The following FMN2 variants were observed in gnomAD, a reference collection of about 807,000 sequenced individuals.
FMN2 encodes the protein formin-2.
Under a neutral mutation model 142.3 loss-of-function variants are expected in FMN2, and 51 were observed. That is an observed-to-expected ratio of 0.36 (90% CI 0.29 to 0.45). FMN2 has a LOEUF of 0.45. Among genes scored for constraint, FMN2 ranks in the 20% least tolerant of loss-of-function variants. The probability of loss-of-function intolerance (pLI) is 1.00; values close to 1 mark genes in which losing one functional copy is unlikely to be tolerated. For synonymous variants in FMN2, 882 were observed against 869.8 expected (o/e 1.01, Z -0.25); for missense variants, 1,936 against 2,122.8 (o/e 0.91, Z 1.73).
At chr1:240,455,975 AAATAATAAT>A (rs140323437) in intron 16 of FMN2, among the ~76,000 whole-genome samples, 6,525 of 148,998 alleles carry the variant, frequency 0.044, 449 homozygotes, top group African/African-American at 0.15. Flanking sequence ...ACTGTCTCAA[AAATAATAAT>A]AATAATAATA....
At chr1:240,299,968 T>C (rs1670141078) in intron 8 of FMN2, among the ~76,000 whole-genome samples, 1 of 152,212 alleles carries the variant, frequency 6.6e-6, no homozygotes, top group African/African-American at 2.4e-5. Context: ...TGGTGTACCT[T>C]GGCTGGAGGC....
chr1:240,307,875 G>C (rs939000939), intron 8 of FMN2, among the ~76,000 whole-genome samples: 7 of 152,138 alleles, frequency 4.6e-5, no homozygotes, highest in Admixed American at 2.0e-4. Flanking sequence ...AGCATGGAAT[G>C]CTTTTCCATT....
intron 7 of FMN2, among the ~76,000 whole-genome samples, chr1:240,258,608 A>G (rs527264826): frequency 6.6e-6 from 1 of 152,326 alleles, no homozygotes; most frequent in Non-Finnish European, 1.5e-5. Context: ...TTTGCAACAT[A>G]TGAACAGAAA....
At chr1:240,131,275 A>G (rs1662723514) in intron 2 of FMN2, among the ~76,000 whole-genome samples, 1 of 152,216 alleles carries the variant, frequency 6.6e-6, no homozygotes, top group Non-Finnish European at 1.5e-5. Flanking sequence ...AATCGTGTTT[A>G]GGCTCCAAGT....
intron 10 of FMN2, among the ~76,000 whole-genome samples, chr1:240,329,801 C>CT (rs3841827): frequency 0.11 from 16,773 of 149,246 alleles, 1,107 homozygotes; most frequent in Admixed American, 0.19. Flanking sequence ...AATTTGAAGG[C>CT]TTTTTTTTTT....
intron 6 of FMN2, among the ~76,000 whole-genome samples, chr1:240,254,876 G>A (rs1668399324): frequency 6.6e-6 from 1 of 152,168 alleles, no homozygotes; most frequent in African/African-American, 2.4e-5. Flanking sequence ...CCAGGATGCA[G>A]TCTGGTGGGG....
rs371328099 is a variant in FMN2 at position 240,114,754 on chromosome 1, T to G, written c.1616-8425T>G. Among the ~76,000 whole-genome samples, 11 of 151,522 alleles carry G rather than the reference T, an allele frequency of 7.3e-5. No homozygotes were observed. The East Asian group carries it at 1.6e-3, about 21-fold the overall frequency. ...CTCACTGCAACCTCCGCTTCCCAAG[T>G]TCAGGTGATTCTCCTGCCTCAACTT... On this transcript the variant is annotated intron_variant, in intron 1 of 17. Coordinates refer to ENST00000319653, the MANE Select transcript of FMN2 (RefSeq NM_020066.5).
intron 7 of FMN2, among the ~76,000 whole-genome samples, chr1:240,271,073 ACC>A (rs151018082): frequency 7.4e-6 from 1 of 134,448 alleles, no homozygotes; most frequent in East Asian, 2.2e-4. Context: ...TAACCCTTTG[ACC>A]CCCCTAGGAA....
At chr1:240,330,871 G>A in intron 11 of FMN2, 122 bp downstream of exon 11, 1 of 1,190,934 alleles carries the variant, frequency 8.4e-7, no homozygotes, top group South Asian at 2.2e-5. Flanking sequence ...GCTTCTTTAT[G>A]TTCTGAGCTA....
At chr1:240,229,314 G>A (rs769208929) in intron 6 of FMN2, among the ~76,000 whole-genome samples, 4 of 152,014 alleles carry the variant, frequency 2.6e-5, no homozygotes, top group Non-Finnish European at 4.4e-5. Flanking sequence ...ATTAAAATTA[G>A]CCCATACCCC....
At chr1:240,172,329 A>G (rs1170850323) in intron 2 of FMN2, among the ~76,000 whole-genome samples, 1 of 152,212 alleles carries the variant, frequency 6.6e-6, no homozygotes, top group African/African-American at 2.4e-5. Flanking sequence ...TTGCTCAACT[A>G]CTTATAGTCA....
chr1:240,279,824 A>G (rs1302062450), intron 7 of FMN2, among the ~76,000 whole-genome samples: 2 of 152,190 alleles, frequency 1.3e-5, no homozygotes, highest in Non-Finnish European at 2.9e-5. Flanking sequence ...TAACTGAACA[A>G]ATAACAAAAT....
At chr1:240,392,816 T>C (rs750101700) in intron 15 of FMN2, among the ~76,000 whole-genome samples, 1 of 152,164 alleles carries the variant, frequency 6.6e-6, no homozygotes, top group African/African-American at 2.4e-5. Context: ...GATTTAGAAC[T>C]ATGGAAATAC....
At chr1:240,187,958 T>G (rs1665549278) in intron 3 of FMN2, among the ~76,000 whole-genome samples, 1 of 152,178 alleles carries the variant, frequency 6.6e-6, no homozygotes, top group Non-Finnish European at 1.5e-5. Flanking sequence ...ATAAGGATAG[T>G]TGATATATAG....
At chr1:240,260,838 C>G (rs1668599974) in intron 7 of FMN2, among the ~76,000 whole-genome samples, 2 of 152,198 alleles carry the variant, frequency 1.3e-5, no homozygotes, top group Non-Finnish European at 2.9e-5. Flanking sequence ...AAGCCAATGT[C>G]TAGAAGGGTT....
intron 4 of FMN2, among the ~76,000 whole-genome samples, chr1:240,189,628 G>A (rs1185749311): frequency 1.3e-5 from 2 of 152,198 alleles, no homozygotes; most frequent in Non-Finnish European, 2.9e-5. Flanking sequence ...AATGCGGCTA[G>A]GTTAGCTATC....
intron 8 of FMN2, among the ~76,000 whole-genome samples, chr1:240,305,937 A>T (rs1392916832): frequency 4.1e-5 from 6 of 145,610 alleles, no homozygotes; most frequent in Non-Finnish European, 9.0e-5. Flanking sequence ...TTTCTAGACT[A>T]GATATGCTTG....
At chr1:240,446,372 A>G (rs1675815985) in intron 16 of FMN2, among the ~76,000 whole-genome samples, 1 of 152,194 alleles carries the variant, frequency 6.6e-6, no homozygotes, top group Non-Finnish European at 1.5e-5. Flanking sequence ...TTTGGTAAGG[A>G]TTTGAACATT....
Position 240,474,441 on chromosome 1 carries a change from A to C in FMN2, c.*287A>C. On this transcript the variant is annotated 3_prime_UTR_variant, in exon 18 of 18. Transcript: ENST00000319653. ...AGCATGTGTAAGAGGCAGTATCTGC[A>C]CTAATTCTCAACATGCTAAACATTA... 2 of 310,766 alleles carry C rather than the reference A, an allele frequency of 6.4e-6. No homozygotes were observed. The highest frequency in any genetic ancestry group is 1.2e-5 in the Non-Finnish European group (2 of 170,944). 19.3% of individuals were successfully genotyped at this position (310,766 alleles called of 1,614,324 possible). A position where few individuals can be genotyped will look rare whatever the true frequency, so the allele number is the denominator to read the frequency against.
Sources: gnomAD v4.1 joint callset for allele counts (sites outside exome capture counted in the v4.1 genomes callset) on GRCh38, gnomAD v4.1.1 for gene constraint, MANE v1.5 for transcripts, NCBI Gene and HGNC (gene_info 2026-07-23, HGNC 2026-07-21) for gene names.